ITFG1: variants seen among roughly 807,000 people sequenced by gnomAD.
ITFG1 encodes the protein integrin alpha FG-GAP repeat containing 1, also known as T-cell immunomodulatory protein.
A neutral mutation model predicts 81.8 loss-of-function variants in ITFG1; 34 were observed. The observed-to-expected ratio is 0.42, with a 90% CI of 0.32 to 0.55. The LOEUF (loss-of-function observed/expected upper bound fraction) is 0.55, where lower values mean the gene tolerates loss of function less well. ITFG1 is among the 20% of genes least tolerant of loss of function. The probability of loss-of-function intolerance (pLI) is 0.17; values close to 1 mark genes in which losing one functional copy is unlikely to be tolerated. For synonymous variants in ITFG1, 285 were observed against 270.6 expected (o/e 1.05, Z -0.52); for missense variants, 672 against 755.4 (o/e 0.89, Z 1.29).
chr16:47,188,056 C>T (rs1346559006), intron 14 of ITFG1, among the ~76,000 whole-genome samples: 5 of 151,916 alleles, frequency 3.3e-5, no homozygotes, highest in Admixed American at 1.3e-4. Context: ...ATCAAAACCA[C>T]AGTGAGATAC....
chr16:47,159,098 T>G, intron 16 of ITFG1, 108 bp from the exon 17 acceptor site: 1 of 493,406 alleles, frequency 2.0e-6, no homozygotes. Context: ...AGTCAATGTA[T>G]TCATTAAACC....
intron 6 of ITFG1, among the ~76,000 whole-genome samples, chr16:47,387,632 C>A (rs1463994161): frequency 6.6e-6 from 1 of 152,184 alleles, no homozygotes; most frequent in East Asian, 1.9e-4. Flanking sequence ...CATTTTCAGA[C>A]CAGTTTGGAA....
chr16:47,415,370 G>A (rs1968861082), intron 6 of ITFG1, among the ~76,000 whole-genome samples: 1 of 152,300 alleles, frequency 6.6e-6, no homozygotes, highest in East Asian at 1.9e-4. Flanking sequence ...TCTTAAAGTG[G>A]ATTATCGAAG....
chr16:47,290,495 T>C (rs1966892858), intron 10 of ITFG1, among the ~76,000 whole-genome samples: 1 of 152,186 alleles, frequency 6.6e-6, no homozygotes, highest in South Asian at 2.1e-4. Flanking sequence ...TGCTCTGGTA[T>C]TGAGTGTATT....
chr16:47,231,278 G>C (rs1423886991), intron 13 of ITFG1, among the ~76,000 whole-genome samples: 3 of 152,162 alleles, frequency 2.0e-5, no homozygotes, highest in African/African-American at 7.2e-5. Context: ...AAAGTCACTA[G>C]ACTTTGGTGA....
intron 6 of ITFG1, among the ~76,000 whole-genome samples, chr16:47,392,206 G>A (rs1470209856): frequency 6.6e-6 from 1 of 152,120 alleles, no homozygotes; most frequent in Admixed American, 6.5e-5. Flanking sequence ...TTGAGCCCAG[G>A]AGTTTGAGAT....
In ITFG1 at chr16:47,200,735, C is replaced by T. The variant is rs527640988; in HGVS notation, c.1453+18133G>A. The stretch of plus-strand genomic sequence containing the variant: ...TGGACTCCTGAAGGAGCCCCTGGGA[C>T]GTTATTAGAAATGAAAATTCTGTGG... On this transcript the variant is annotated intron_variant, in intron 14 of 17. Transcript: ENST00000320640. 3.3e-5 allele frequency among the ~76,000 whole-genome samples: 5 copies of T among 152,096 alleles called. No homozygotes were observed. The South Asian group carries it at 6.2e-4, about 19-fold the overall frequency.
chr16:47,188,653 G>A (rs1965255742), intron 14 of ITFG1, among the ~76,000 whole-genome samples: 1 of 149,128 alleles, frequency 6.7e-6, no homozygotes, highest in Non-Finnish European at 1.5e-5. Flanking sequence ...ATAGCATTGG[G>A]AGATATACCT....
At chr16:47,249,930 T>C (rs963771980) in intron 12 of ITFG1, among the ~76,000 whole-genome samples, 5 of 152,240 alleles carry the variant, frequency 3.3e-5, no homozygotes, top group Non-Finnish European at 4.4e-5. Flanking sequence ...ATGAGTTAAA[T>C]AGCCAAAGCT....
chr16:47,187,141 G>A (rs1462022420), intron 14 of ITFG1, among the ~76,000 whole-genome samples: 1 of 152,152 alleles, frequency 6.6e-6, no homozygotes, highest in East Asian at 1.9e-4. Context: ...AACATTCCAT[G>A]CTCATGGGTA....
intron 8 of ITFG1, among the ~76,000 whole-genome samples, chr16:47,337,657 C>CT (rs1471336755): frequency 2.0e-5 from 3 of 152,210 alleles, no homozygotes; most frequent in Non-Finnish European, 4.4e-5. Flanking sequence ...ACTGAAATGT[C>CT]TGTGTAGTGA....
chr16:47,184,932 A>G (rs1034275625), intron 14 of ITFG1, among the ~76,000 whole-genome samples: 11 of 151,920 alleles, frequency 7.2e-5, no homozygotes, highest in African/African-American at 2.2e-4. Flanking sequence ...GGATGGAGGA[A>G]GATCTACCAA....
chr16:47,184,066 G>T (rs575008150), intron 14 of ITFG1, among the ~76,000 whole-genome samples: 12 of 152,176 alleles, frequency 7.9e-5, no homozygotes, highest in Non-Finnish European at 1.6e-4. Flanking sequence ...AGCGAGAAGG[G>T]AAGTTTAGAG....
intron 5 of ITFG1, chr16:47,448,341 C>A (rs1483174465): frequency 1.3e-5 from 2 of 152,110 alleles, no homozygotes; most frequent in Non-Finnish European, 2.9e-5. Flanking sequence ...AGATTTATTT[C>A]TTCTGGATTG....
chr16:47,319,980 G>C (rs1967424098), intron 8 of ITFG1, among the ~76,000 whole-genome samples: 1 of 152,088 alleles, frequency 6.6e-6, no homozygotes. Flanking sequence ...GGAGTGCAGT[G>C]GCGCCATCTC....
At chr16:47,325,851 A>C (rs563105011) in intron 8 of ITFG1, among the ~76,000 whole-genome samples, 1 of 152,296 alleles carries the variant, frequency 6.6e-6, no homozygotes, top group African/African-American at 2.4e-5. Context: ...CAACCAAAAA[A>C]GGTCCAGGAC....
At chr16:47,165,224 T>C (rs1281677791) in intron 14 of ITFG1, among the ~76,000 whole-genome samples, 1 of 152,196 alleles carries the variant, frequency 6.6e-6, no homozygotes, top group East Asian at 1.9e-4. Flanking sequence ...AATTAATATA[T>C]AAATATTTTA....
chr16:47,344,980 T>G (rs1447864556), intron 8 of ITFG1, among the ~76,000 whole-genome samples: 2 of 152,216 alleles, frequency 1.3e-5, no homozygotes, highest in Admixed American at 1.3e-4. Context: ...TGATGGACAT[T>G]TAGCCAGCCA....
At position 47,451,439 on chromosome 16, in the gene ITFG1, CA is replaced by C; in HGVS notation, c.516del (p.Phe172LeufsTer14). 6 of 1,583,824 alleles carry C rather than the reference CA, an allele frequency of 3.8e-6. No individual in the cohort carries two copies. Among genetic ancestry groups the C allele is most frequent in the Non-Finnish European group, 5.2e-6 (6 of 1,153,906 alleles). On this transcript the variant is annotated frameshift_variant, in exon 5 of 18. Transcript: ENST00000320640. LOFTEE classifies it high-confidence loss of function. The part of the protein sequence containing the change: ...DFNGDLIPDI[F>X]GITNESNQPQ... ...GGCTGGTTGGATTCATTTGTGATAC[CA>C]AAAATATCAGGAATTAGATCACCAT...
Sources: allele counts gnomAD v4.1 joint callset (sites outside exome capture counted in the v4.1 genomes callset), GRCh38; gene constraint gnomAD v4.1.1; transcripts MANE v1.5; gene names NCBI Gene and HGNC (gene_info 2026-07-23, HGNC 2026-07-21).